Variants in ASCC3 observed in about 807,000 individuals in gnomAD.
ASCC3 encodes the protein ASC-1 complex subunit P200.
ASCC3 carries 158 observed loss-of-function variants against 256.3 expected under a neutral mutation model. The observed-to-expected ratio is 0.62, with a 90% CI of 0.54 to 0.70. The LOEUF (loss-of-function observed/expected upper bound fraction) is 0.70, where lower values mean the gene tolerates loss of function less well. ASCC3 is among the 30% of genes least tolerant of loss of function. The pLI is 0.00. For missense variants in ASCC3, 2,259 were observed against 2,626.0 expected (o/e 0.86, Z 3.05); for synonymous variants, 948 against 883.4 (o/e 1.07, Z -1.30).
At position 100,608,856 on chromosome 6, in the gene ASCC3, C is replaced by T. The variant is rs1476846346; in HGVS notation, c.4786-1768G>A. Among the ~76,000 whole-genome samples the T allele has an allele frequency of 8.7e-5, 12 of 137,998 alleles. No homozygotes were observed. The South Asian group carries it at 9.2e-4, about 11-fold the overall frequency. 90.5% of individuals were successfully genotyped at this position (137,998 alleles called of 152,430 possible). A position where few individuals can be genotyped will look rare whatever the true frequency, so the allele number is the denominator to read the frequency against. On this transcript the variant is annotated intron_variant, in intron 30 of 41. Transcript: ENST00000369162. ...TCGGCTCACTGCAAGCTCTGCCTCC[C>T]GGGTTCACGCCATTCTCCTGCCTCA...
intron 14 of ASCC3, among the ~76,000 whole-genome samples, chr6:100,668,375 G>A (rs1251989404): frequency 6.6e-6 from 1 of 151,894 alleles, no homozygotes; most frequent in Non-Finnish European, 1.5e-5. Context: ...AAACTGTTTG[G>A]AATGGATGAT....
At chr6:100,823,752 A>G (rs1015850696) in intron 4 of ASCC3, among the ~76,000 whole-genome samples, 3 of 152,194 alleles carry the variant, frequency 2.0e-5, no homozygotes, top group Admixed American at 6.5e-5. Context: ...GGCATGCACA[A>G]ACTAAAACAG....
chr6:100,730,139 C>T (rs1402907531), intron 10 of ASCC3, among the ~76,000 whole-genome samples: 21 of 150,248 alleles, frequency 1.4e-4, no homozygotes, highest in Admixed American at 1.4e-3. Flanking sequence ...ACCTCGCCTC[C>T]AGAAAAAAAA....
At chr6:100,761,381 A>G (rs1448541707) in intron 10 of ASCC3, among the ~76,000 whole-genome samples, 5 of 152,144 alleles carry the variant, frequency 3.3e-5, no homozygotes, top group Non-Finnish European at 7.4e-5. Flanking sequence ...TCTGCTATTC[A>G]GGAGGCTGAG....
chr6:100,821,986 T>C (rs1445363811), intron 4 of ASCC3, among the ~76,000 whole-genome samples: 3 of 151,850 alleles, frequency 2.0e-5, no homozygotes, highest in Non-Finnish European at 1.5e-5. Flanking sequence ...AGAAAGTAGA[T>C]AATTGGTTCA....
chr6:100,644,690 T>A (rs1156620875), intron 22 of ASCC3, among the ~76,000 whole-genome samples: 1 of 152,092 alleles, frequency 6.6e-6, no homozygotes, highest in Non-Finnish European at 1.5e-5. Flanking sequence ...AGTGACCACA[T>A]CCCCTGGGAT....
chr6:100,832,040 A>T (rs1206037420), intron 4 of ASCC3, among the ~76,000 whole-genome samples: 1 of 152,170 alleles, frequency 6.6e-6, no homozygotes, highest in African/African-American at 2.4e-5. Flanking sequence ...AAAAAATTTT[A>T]AAGTATTGAA....
chr6:100,814,865 T>G (rs1031414582), intron 4 of ASCC3, among the ~76,000 whole-genome samples: 4 of 152,124 alleles, frequency 2.6e-5, no homozygotes, highest in African/African-American at 7.2e-5. Flanking sequence ...GTCTATTTTA[T>G]TAATTTTTTT....
In ASCC3 at chr6:100,601,787, T is replaced by C. The variant is rs764200796; in HGVS notation, c.5303+23A>G. ...CTTATTTCGGGGCAAAACAGAAAGG[T>C]ATATAACTGCCCTTGCACTTACCTG... is the stretch of plus-strand genomic sequence containing the variant. On this transcript the variant is annotated intron_variant, in intron 34 of 41. Transcript: ENST00000369162. The C allele has an allele frequency of 3.4e-5, 55 of 1,611,090 alleles. No homozygotes were observed. The South Asian group carries it at 5.6e-4, about 16-fold the overall frequency.
chr6:100,848,608 G>C lies in ASCC3; in HGVS notation c.341C>G (p.Ala114Gly). Reference protein sequence around the residue: ...KDSVGHKETKAIKQMFGPFPS... With the variant: ...KDSVGHKETKGIKQMFGPFPS... ...AAAGGGGCCAAACATCTGTTTGATA[G>C]CCTTTGTTTCCTTGTGACCAACAGA... The change falls in exon 4 of 42, where the codon GCT becomes GGT. Residue 114 changes from alanine to glycine, a missense_variant. By Grantham distance (60) the Ala-to-Gly change is moderately conservative. This residue lies in a region of ASCC3 where 420 missense variants were observed against 419.3 expected (regional missense o/e 1.00). Coordinates refer to ENST00000369162, the MANE Select transcript of ASCC3 (RefSeq NM_006828.4). 6.2e-7 allele frequency: 1 copy of C among 1,614,100 alleles called. No individual in the cohort carries two copies. Among genetic ancestry groups the C allele is most frequent in the Non-Finnish European group, 8.5e-7 (1 of 1,180,018 alleles).
intron 10 of ASCC3, among the ~76,000 whole-genome samples, chr6:100,761,894 C>G (rs1781438135): frequency 6.6e-6 from 1 of 152,166 alleles, no homozygotes; most frequent in African/African-American, 2.4e-5. Flanking sequence ...CTGCCCCTAT[C>G]TCCAACTACC....
At chr6:100,855,873 T>C (rs193166284) in intron 3 of ASCC3, among the ~76,000 whole-genome samples, 50 of 152,288 alleles carry the variant, frequency 3.3e-4, no homozygotes, top group Admixed American at 1.8e-3. Context: ...AACCATATTA[T>C]AGAAGAGAAA....
chr6:100,567,385 C>A (rs1770322420), intron 36 of ASCC3, among the ~76,000 whole-genome samples: 1 of 152,008 alleles, frequency 6.6e-6, no homozygotes, highest in Non-Finnish European at 1.5e-5. Flanking sequence ...AATGGTTGCA[C>A]AGTATTTCAT....
chr6:100,582,018 G>A (rs367849089), intron 36 of ASCC3, among the ~76,000 whole-genome samples: 2 of 152,034 alleles, frequency 1.3e-5, no homozygotes, highest in Non-Finnish European at 2.9e-5. Context: ...GTCAGGTAGT[G>A]TGATGCCTCC....
intron 36 of ASCC3, among the ~76,000 whole-genome samples, chr6:100,562,954 C>T (rs1488265326): frequency 6.6e-6 from 1 of 151,730 alleles, no homozygotes; most frequent in Non-Finnish European, 1.5e-5. Context: ...AAAAAGGTTG[C>T]CATTTTTTTT....
intron 10 of ASCC3, among the ~76,000 whole-genome samples, chr6:100,727,586 C>A (rs1243184673): frequency 6.6e-6 from 1 of 151,890 alleles, no homozygotes; most frequent in Admixed American, 6.6e-5. Flanking sequence ...GGCAGATGAC[C>A]AGCTCCAGTG....
At chr6:100,633,384 A>AT (rs1202024753) in intron 25 of ASCC3, among the ~76,000 whole-genome samples, 3 of 152,076 alleles carry the variant, frequency 2.0e-5, no homozygotes, top group African/African-American at 7.2e-5. Context: ...TTACTTAGTA[A>AT]TGGCCCCAAA....
intron 10 of ASCC3, among the ~76,000 whole-genome samples, chr6:100,744,885 A>G (rs1169136765): frequency 6.6e-6 from 1 of 152,238 alleles, no homozygotes; most frequent in Non-Finnish European, 1.5e-5. Context: ...TGGTTCAAGA[A>G]TCAGGAAAGC....
intron 5 of ASCC3, among the ~76,000 whole-genome samples, chr6:100,803,586 G>A (rs1315012491): frequency 1.3e-5 from 2 of 152,046 alleles, no homozygotes; most frequent in Admixed American, 6.6e-5. Flanking sequence ...AATACAAGGT[G>A]GGAGCGCTCT....
Sources: allele counts gnomAD v4.1 joint callset (sites outside exome capture counted in the v4.1 genomes callset), GRCh38; gene constraint gnomAD v4.1.1; regional missense constraint gnomAD v4.1.1; transcripts MANE v1.5; gene names NCBI Gene and HGNC (gene_info 2026-07-23, HGNC 2026-07-21).